EYA3: variants seen among roughly 807,000 people sequenced by gnomAD.
EYA3 encodes protein phosphatase EYA3.
A neutral mutation model predicts 80.0 loss-of-function variants in EYA3; 39 were observed. The ratio of observed to expected loss-of-function variants is 0.49; its 90% confidence interval spans 0.38 to 0.64. EYA3 has a LOEUF of 0.64. Ranked by LOEUF, EYA3 falls within the 30% of genes least tolerant of loss-of-function variation. EYA3 has a pLI of 0.00. For synonymous variants in EYA3, 206 were observed against 232.8 expected, an observed-to-expected ratio of 0.88 and a Z score of 1.05; for missense variants, 523 against 676.1, an observed-to-expected ratio of 0.77 and a Z score of 2.51.
At chr1:28,018,857 G>A (rs972721416) in intron 7 of EYA3, among the ~76,000 whole-genome samples, 1 of 152,184 alleles carries the variant, frequency 6.6e-6, no homozygotes, top group Non-Finnish European at 1.5e-5. Flanking sequence ...CAGCAGCTAA[G>A]CTAGGGTTCA....
intron 3 of EYA3, among the ~76,000 whole-genome samples, chr1:28,047,142 C>T (rs1026248905): frequency 8.1e-5 from 12 of 148,540 alleles, no homozygotes; most frequent in African/African-American, 2.7e-4. Context: ...CAGTTAAGTT[C>T]CTTTTTTTTT....
At chr1:28,023,076 G>A (rs1453299858) in intron 7 of EYA3, among the ~76,000 whole-genome samples, 2 of 20,216 alleles carry the variant, frequency 9.9e-5, no homozygotes, top group East Asian at 4.3e-3. Context: ...GTAAGAAAGT[G>A]CTGGGTGGGG....
chr1:28,067,305 T>A (rs1056105247), intron 1 of EYA3, among the ~76,000 whole-genome samples: 34 of 152,224 alleles, frequency 2.2e-4, no homozygotes, highest in African/African-American at 8.0e-4. Context: ...AACTACACTG[T>A]AACTGTAAAC....
chr1:28,024,543 G>A (rs911396843), intron 7 of EYA3, among the ~76,000 whole-genome samples: 1 of 151,940 alleles, frequency 6.6e-6, no homozygotes, highest in African/African-American at 2.4e-5. Flanking sequence ...TCTAATCCCA[G>A]CTACACGGGA....
chr1:27,970,532 C>T lies in EYA3; in HGVS notation c.*3934G>A, dbSNP rs1052219374. 6.6e-6 allele frequency: 1 copy of T among 152,202 alleles called. No individual in the cohort carries two copies. The highest frequency in any genetic ancestry group is 1.5e-5 in the Non-Finnish European group (1 of 68,022). 9.4% of individuals were successfully genotyped at this position (152,202 alleles called of 1,614,324 possible). A position where few individuals can be genotyped will look rare whatever the true frequency, so the allele number is the denominator to read the frequency against. ...GGAGAGTCGCATTTTGAGTAGAAGT[C>T]GTCCTTAATGGGAGGGCTCCTGTCA... is the stretch of plus-strand genomic sequence containing the variant. On this transcript the variant is annotated 3_prime_UTR_variant, in exon 18 of 18. Coordinates refer to ENST00000373871, the MANE Select transcript of EYA3 (RefSeq NM_001990.4).
At position 27,972,171 on chromosome 1, in the gene EYA3, C is replaced by T. The variant is rs1172158166; in HGVS notation, c.*2295G>A. 3 of 152,226 alleles carry T rather than the reference C, an allele frequency of 2.0e-5. No homozygotes were observed. The highest frequency in any genetic ancestry group is 7.2e-5 in the African/African-American group (3 of 41,448). The allele number at this position is 152,226 out of a possible 1,614,324, so 9.4% of individuals were successfully genotyped here. On this transcript the variant is annotated 3_prime_UTR_variant, in exon 18 of 18. Coordinates refer to ENST00000373871, the MANE Select transcript of EYA3 (RefSeq NM_001990.4). ...CAAACCTGAAGCGCAGCACAACAGC[C>T]GTGGCCTTTGTCCAGGACAAAAACC...
Position 28,081,163 on chromosome 1 carries a change from G to A in EYA3, c.-69+7361C>T, listed in dbSNP as rs1043857370. Among the ~76,000 whole-genome samples the A allele has an allele frequency of 2.6e-5, 4 of 152,236 alleles. No individual in the cohort carries two copies. The East Asian group carries it at 5.8e-4, about 22-fold the overall frequency. On this transcript the variant is annotated intron_variant, in intron 1 of 17. Transcript: ENST00000373871. ...CCAAAAATTTTTTTTTGCACAGAAT[G>A]TGAGGTACCTACAGTAAATAAATAC...
At chr1:28,033,622 A>T (rs1557595579) in intron 6 of EYA3, among the ~76,000 whole-genome samples, 2 of 147,536 alleles carry the variant, frequency 1.4e-5, no homozygotes, top group Non-Finnish European at 3.0e-5. Context: ...ACTTTACAGA[A>T]TTTTTTTCTT....
intron 2 of EYA3, among the ~76,000 whole-genome samples, chr1:28,052,652 T>TA (rs1271710058): frequency 7.2e-5 from 11 of 152,100 alleles, no homozygotes; most frequent in Non-Finnish European, 1.2e-4. Flanking sequence ...TCATCACTTG[T>TA]AAAAATATAG....
chr1:28,075,756 A>G (rs1645177685), intron 1 of EYA3, among the ~76,000 whole-genome samples: 1 of 152,188 alleles, frequency 6.6e-6, no homozygotes, highest in African/African-American at 2.4e-5. Flanking sequence ...GTTTACCTGG[A>G]GTCTGCTACA....
rs569524198 is a variant in EYA3, at chr1:28,023,722, G to A, written c.499+4067C>T. Reference sequence around the variant, plus strand: ...CTAAATGTAATTTGGTATCCTGGATGGAATCCCGGAACAGAACAAGGACAT... The same window carrying A: ...CTAAATGTAATTTGGTATCCTGGATAGAATCCCGGAACAGAACAAGGACAT... On this transcript the variant is annotated intron_variant, in intron 7 of 17. Coordinates refer to ENST00000373871, the MANE Select transcript of EYA3 (RefSeq NM_001990.4). Among the ~76,000 whole-genome samples, 4 of 152,258 alleles carry A rather than the reference G, an allele frequency of 2.6e-5. No individual in the cohort carries two copies. In the East Asian group the frequency reaches 7.7e-4, roughly 29 times the overall value.
rs978592508 is a variant in EYA3 at position 28,055,275 on chromosome 1, G to C, written c.33+2719C>G. ...TTCTTTATACTCTATTCTCCAAGTAGAGGCTGTACAATAATCAGTCAAAAG... is the reference window on the plus strand; with the variant it reads ...TTCTTTATACTCTATTCTCCAAGTACAGGCTGTACAATAATCAGTCAAAAG... On this transcript the variant is annotated intron_variant, in intron 2 of 17. Coordinates refer to ENST00000373871, the MANE Select transcript of EYA3 (RefSeq NM_001990.4). Among the ~76,000 whole-genome samples the C allele has an allele frequency of 5.3e-5, 8 of 152,074 alleles. No individual in the cohort carries two copies. The East Asian group carries it at 1.5e-3, about 29-fold the overall frequency.
At chr1:27,988,788 A>G in intron 15 of EYA3, 132 bp from the exon 16 acceptor site, 1 of 949,776 alleles carries the variant, frequency 1.1e-6, no homozygotes, top group Non-Finnish European at 1.6e-6. Context: ...TACTGTTCAG[A>G]GCCAATGTTC....
chr1:28,063,352 C>CTTTT (rs371840536), intron 1 of EYA3, among the ~76,000 whole-genome samples: 95 of 93,520 alleles, frequency 1.0e-3, no homozygotes, highest in African/African-American at 3.4e-3. Flanking sequence ...TAACTAAAAC[C>CTTTT]TTTTTTTTTT....
chr1:28,055,806 A>G (rs531479928), intron 2 of EYA3, among the ~76,000 whole-genome samples: 1 of 152,292 alleles, frequency 6.6e-6, no homozygotes, highest in South Asian at 2.1e-4. Flanking sequence ...GCTAGCAATT[A>G]GTGGAGAAAT....
chr1:27,977,965 T>C (rs1484003639), intron 17 of EYA3, among the ~76,000 whole-genome samples: 1 of 152,168 alleles, frequency 6.6e-6, no homozygotes, highest in African/African-American at 2.4e-5. Flanking sequence ...AGGAAAGACT[T>C]TCTCTACAGA....
intron 1 of EYA3, among the ~76,000 whole-genome samples, chr1:28,066,279 T>C (rs1315093927): frequency 6.6e-6 from 1 of 152,116 alleles, no homozygotes; most frequent in Non-Finnish European, 1.5e-5. Context: ...CCAAGGTTGA[T>C]AGAAGGTAAC....
chr1:28,054,474 T>C (rs2761453), intron 2 of EYA3, among the ~76,000 whole-genome samples: 8,951 of 152,292 alleles, frequency 0.059, 828 homozygotes, highest in African/African-American at 0.2. Context: ...CTCAATTATT[T>C]TAAATAAGTT....
intron 5 of EYA3, among the ~76,000 whole-genome samples, chr1:28,037,965 C>T (rs149551658): frequency 3.7e-4 from 57 of 152,264 alleles, no homozygotes; most frequent in South Asian, 6.2e-4. Context: ...CTCTTTATTA[C>T]GCACAATAGG....
Sources: gnomAD v4.1 joint callset for allele counts (sites outside exome capture counted in the v4.1 genomes callset) on GRCh38, gnomAD v4.1.1 for gene constraint, MANE v1.5 for transcripts, NCBI Gene and HGNC (gene_info 2026-07-23, HGNC 2026-07-21) for gene names.